Variants in EXOC7 observed in about 807,000 individuals in gnomAD.
EXOC7 encodes the protein exocyst complex component Exo70.
In EXOC7, 51 loss-of-function variants were observed where a neutral mutation model predicts 87.6. That is an observed-to-expected ratio of 0.58 (90% CI 0.46 to 0.73). The LOEUF (loss-of-function observed/expected upper bound fraction) is 0.73, where lower values mean the gene tolerates loss of function less well. EXOC7 is among the 30% of genes least tolerant of loss of function. The probability of loss-of-function intolerance (pLI) is 0.00; values close to 1 mark genes in which losing one functional copy is unlikely to be tolerated. For synonymous variants in EXOC7, 327 were observed against 357.1 expected, an observed-to-expected ratio of 0.92 and a Z score of 0.95; for missense variants, 744 against 888.4, an observed-to-expected ratio of 0.84 and a Z score of 2.07.
At chr17:76,097,389 A>G (rs1231783118) in intron 5 of EXOC7, among the ~76,000 whole-genome samples, 1 of 152,104 alleles carries the variant, frequency 6.6e-6, no homozygotes, top group Non-Finnish European at 1.5e-5. Context: ...TTTTATCAAA[A>G]AAACCATGAC....
In EXOC7 at chr17:76,098,018, T is replaced by A. The variant is rs1214977678; in HGVS notation, c.418A>T (p.Lys140Ter). ...SPDSPELNKV[K>*]LLFERGKEAL... ...TCCTTCCCGCGCTCAAAGAGCAGTT[T>A]CTGCACAGACAACAGAAGGAAGCAG... The change falls in exon 5 of 19, where the codon AAA becomes TAA. Residue 140 changes from lysine (K) to a stop codon, truncating the protein, a stop_gained and splice_region_variant. Coordinates refer to ENST00000589210, the MANE Select transcript of EXOC7 (RefSeq NM_001013839.4). LOFTEE classifies it high-confidence loss of function. The A allele has an allele frequency of 1.9e-6, 3 of 1,614,092 alleles. No individual in the cohort carries two copies. Among genetic ancestry groups the A allele is most frequent in the Non-Finnish European group, 2.5e-6 (3 of 1,179,948 alleles).
intron 6 of EXOC7, among the ~76,000 whole-genome samples, chr17:76,092,155 CCA>C (rs879809455): frequency 5.3e-4 from 81 of 152,274 alleles, no homozygotes; most frequent in Non-Finnish European, 7.3e-4. Context: ...CCTCCCACCC[CCA>C]CAGTCTATCT....
Position 76,103,689 on chromosome 17 carries a change from T to G in EXOC7, c.4A>C (p.Ile2Leu). The part of the protein sequence containing the change: M[I>L]PPQEASARRR... ...CGAGCGGATGCCTCCTGTGGGGGAA[T>G]CATCGCTCTGAACCCCGCGGCTCCC... The change falls in exon 1 of 19, where the codon ATT becomes CTT. Residue 2 changes from isoleucine (I) to leucine (L), a missense_variant. Transcript: ENST00000589210. 6.2e-7 allele frequency: 1 copy of G among 1,610,722 alleles called. No individual in the cohort carries two copies.
intron 11 of EXOC7, 90 bp from the exon 12 acceptor site, chr17:76,087,810 C>G: frequency 1.4e-6 from 2 of 1,409,644 alleles, no homozygotes; most frequent in Non-Finnish European, 1.9e-6. Flanking sequence ...CAGGGCCAGC[C>G]CAGGGCTGGG....
In EXOC7 at chr17:76,103,382, G is replaced by T; in HGVS notation, c.105C>A (p.Ser35Arg). 1 of 1,605,906 alleles carries T rather than the reference G, an allele frequency of 6.2e-7. No homozygotes were observed. Among genetic ancestry groups the T allele is most frequent in the Non-Finnish European group, 8.5e-7 (1 of 1,176,376 alleles). The change falls in exon 2 of 19, where the codon AGC becomes AGA. Residue 35 changes from serine to arginine, a missense_variant. Ser to Arg is a moderately radical substitution (Grantham distance 110). Coordinates refer to ENST00000589210, the MANE Select transcript of EXOC7 (RefSeq NM_001013839.4). ...LSFIRDSLEK[S>R]DQLTKNMVSI... ...TCACCATGTTCTTAGTGAGCTGGTC[G>T]CTCTTCTCCAGGCTGTCTCGGATGA...
At chr17:76,085,601 G>T in intron 14 of EXOC7, 76 bp downstream of exon 14, 3 of 1,605,964 alleles carry the variant, frequency 1.9e-6, no homozygotes, top group Non-Finnish European at 2.6e-6. Flanking sequence ...AAGGAGCCCA[G>T]GGGGGCAGGG....
At chr17:76,101,549 G>T in intron 3 of EXOC7, 130 bp downstream of exon 3, 2 of 1,355,560 alleles carry the variant, frequency 1.5e-6, no homozygotes, top group Non-Finnish European at 2.0e-6. Context: ...GTGTTGTCCA[G>T]ACTGGTCTTG....
At chr17:76,090,547 CCCT>C in intron 7 of EXOC7, 4 of 1,467,838 alleles carry the variant, frequency 2.7e-6, no homozygotes, top group Non-Finnish European at 3.7e-6. Context: ...GGCCCTGAGC[CCCT>C]CCTCTACCTC....
In EXOC7 at chr17:76,103,489, C is replaced by A. The variant is rs1246150290; in HGVS notation, c.61-63G>T. The A allele has an allele frequency of 7.7e-6, 12 of 1,552,058 alleles. No homozygotes were observed. The Admixed American group carries it at 2.1e-4, about 27-fold the overall frequency. Reference sequence around the variant, plus strand: ...GAAGCTAAAGGAGACCACTGCGTCCCAACCCCACGGCCTAGCCCCCAACCC... The same window carrying A: ...GAAGCTAAAGGAGACCACTGCGTCCAAACCCCACGGCCTAGCCCCCAACCC... On this transcript the variant is annotated intron_variant, in intron 1 of 18. Transcript: ENST00000589210.
rs1207733589 is a variant in EXOC7, at chr17:76,103,636, C to T, written c.57G>A (p.Lys19=). The change falls in exon 1 of 19, where the codon AAG becomes AAA. Residue 19 remains lysine, a synonymous_variant. Transcript: ENST00000589210. ...GCCTCCCCAGGCCCACGCCCACCTGCTTCAGCTTGTCCTCAATCTCCCGCC... is the reference window on the plus strand; with the variant it reads ...GCCTCCCCAGGCCCACGCCCACCTGTTTCAGCTTGTCCTCAATCTCCCGCC... ...ARRREIEDKL[K]QEEETLSFIR... The T allele has an allele frequency of 3.1e-6, 5 of 1,613,562 alleles. No individual in the cohort carries two copies. The highest frequency in any genetic ancestry group is 4.2e-6 in the Non-Finnish European group (5 of 1,179,846).
chr17:76,088,383 G>T lies in EXOC7; in HGVS notation c.1299+81C>A. The stretch of plus-strand genomic sequence containing the variant: ...CCCGGGACAACGCACCCTCTTGGAG[G>T]CCTGCTCTGAGAGTCCCCCAGGGCC... On this transcript the variant is annotated intron_variant, in intron 10 of 18. Coordinates refer to ENST00000589210, the MANE Select transcript of EXOC7 (RefSeq NM_001013839.4). 3.6e-6 allele frequency: 5 copies of T among 1,387,398 alleles called. No homozygotes were observed. In the South Asian group the frequency reaches 4.9e-5, roughly 14 times the overall value. 85.9% of individuals were successfully genotyped at this position (1,387,398 alleles called of 1,614,324 possible). A position where few individuals can be genotyped will look rare whatever the true frequency, so the allele number is the denominator to read the frequency against.
chr17:76,097,703 C>CAAAAA (rs57781252), intron 5 of EXOC7, 93 bp downstream of exon 5: 5 of 318,306 alleles, frequency 1.6e-5, no homozygotes, highest in African/African-American at 1.0e-4. Flanking sequence ...GACTCCATCT[C>CAAAAA]AAAAAAAAAA....
Position 76,086,115 on chromosome 17 carries a change from G to T in EXOC7, c.1460C>A (p.Ser487Tyr). The T allele has an allele frequency of 1.2e-6, 2 of 1,613,936 alleles. No individual in the cohort carries two copies. The highest frequency in any genetic ancestry group is 1.1e-5 in the South Asian group (1 of 91,074). Reference protein sequence around the residue: ...ETSSSATSYSSEFSKRLLSTY... With the variant: ...ETSSSATSYSYEFSKRLLSTY... ...GCTTAGCAGCCGCTTGCTGAACTCA[G>T]AGCTGTAGCTGGTGGCCGAAGAGCT... Residue 487 changes from serine to tyrosine, a missense_variant, in exon 13 of 19, where the codon TCT becomes TAT. Transcript: ENST00000589210.
In EXOC7 at chr17:76,082,953, C is replaced by A; in HGVS notation, c.*695G>T. On this transcript the variant is annotated 3_prime_UTR_variant, in exon 19 of 19. Transcript: ENST00000589210. ...GGCAGCCTAATTGCTCCTTCTGCAA[C>A]CACGACTGCCTGGCCCTGGGCCAAG... 1 of 265,650 alleles carries A rather than the reference C, an allele frequency of 3.8e-6. No individual in the cohort carries two copies. The highest frequency in any genetic ancestry group is 7.1e-6 in the Non-Finnish European group (1 of 140,788). The allele number at this position is 265,650 out of a possible 1,614,324, so 16.5% of individuals were successfully genotyped here.
At position 76,101,714 on chromosome 17, in the gene EXOC7, A is replaced by G. The variant is rs2068070891; in HGVS notation, c.276T>C (p.His92=). Reference sequence around the variant, plus strand: ...TGATCTTCTCAGTGTCACTGGCCACATGGTAGTAGCTGATGACATGGTCCA... The same window carrying G: ...TGATCTTCTCAGTGTCACTGGCCACGTGGTAGTAGCTGATGACATGGTCCA... ...SCLDHVISYY[H]VASDTEKIIR... is the part of the protein sequence containing the mutation. Residue 92 remains histidine, a synonymous_variant, in exon 3 of 19, where the codon CAT becomes CAC. Coordinates refer to ENST00000589210, the MANE Select transcript of EXOC7 (RefSeq NM_001013839.4). The G allele has an allele frequency of 1.9e-6, 3 of 1,613,914 alleles. No homozygotes were observed. Among genetic ancestry groups the G allele is most frequent in the South Asian group, 2.2e-5 (2 of 91,034 alleles).
At chr17:76,102,618 T>A (rs981993591) in intron 2 of EXOC7, among the ~76,000 whole-genome samples, 15 of 151,994 alleles carry the variant, frequency 9.9e-5, no homozygotes, top group East Asian at 1.9e-4. Context: ...AAAAAAAAAA[T>A]TTAAAAATTA....
intron 15 of EXOC7, 86 bp from the exon 16 acceptor site, chr17:76,084,666 A>C (rs952981446): frequency 3.3e-6 from 4 of 1,213,928 alleles, no homozygotes; most frequent in Non-Finnish European, 3.6e-6. Flanking sequence ...CTCTGGATCT[A>C]CTTGGTGGGT....
Position 76,081,373 on chromosome 17 carries a change from C to A in EXOC7, c.*2275G>T. The A allele has an allele frequency of 6.2e-7, 1 of 1,614,180 alleles. No homozygotes were observed. The highest frequency in any genetic ancestry group is 8.5e-7 in the Non-Finnish European group (1 of 1,180,048). Reference sequence around the variant, plus strand: ...TGATCTGAAGACCCAAGTCCCACCCCAGCAGCTGGTGCCCTGCTTCCAGGT... The same window carrying A: ...TGATCTGAAGACCCAAGTCCCACCCAAGCAGCTGGTGCCCTGCTTCCAGGT... On this transcript the variant is annotated 3_prime_UTR_variant, in exon 19 of 19. Transcript: ENST00000589210.
chr17:76,081,294 C>T lies in EXOC7; in HGVS notation c.*2354G>A. On this transcript the variant is annotated 3_prime_UTR_variant, in exon 19 of 19. Transcript: ENST00000589210. The stretch of plus-strand genomic sequence containing the variant: ...ACCCCTCAGCGATGGAGTTAGAGTT[C>T]CAGGCCCACGTGGTGAACGAGATTG... 1.2e-6 allele frequency: 2 copies of T among 1,613,974 alleles called. No individual in the cohort carries two copies. The highest frequency in any genetic ancestry group is 1.7e-6 in the Non-Finnish European group (2 of 1,180,008).
Sources: gnomAD v4.1 joint callset for allele counts (sites outside exome capture counted in the v4.1 genomes callset) on GRCh38, gnomAD v4.1.1 for gene constraint, MANE v1.5 for transcripts, NCBI Gene and HGNC (gene_info 2026-07-23, HGNC 2026-07-21) for gene names.